Variants in CCDC13 observed in about 807,000 individuals in gnomAD.
CCDC13 encodes coiled-coil domain-containing protein 13.
CCDC13 carries 70 observed loss-of-function variants against 87.3 expected under a neutral mutation model. That is an observed-to-expected ratio of 0.80 (90% CI 0.66 to 0.98). The LOEUF is 0.98. CCDC13 is among the 50% of genes least tolerant of loss of function. The pLI, the probability that CCDC13 is intolerant of heterozygous loss-of-function variation, is 0.00. For missense variants in CCDC13, 842 were observed against 892.0 expected, an observed-to-expected ratio of 0.94 and a Z score of 0.71; for synonymous variants, 317 against 360.3, an observed-to-expected ratio of 0.88 and a Z score of 1.36.
At chr3:42,746,972 C>T (rs1306034986) in intron 6 of CCDC13, 1 of 526,130 alleles carries the variant, frequency 1.9e-6, no homozygotes, top group Non-Finnish European at 3.4e-6. Flanking sequence ...CCTGGGTGGA[C>T]AGTGCTGTCC....
At chr3:42,714,385 T>C (rs1283457719) in intron 13 of CCDC13, among the ~76,000 whole-genome samples, 4 of 152,260 alleles carry the variant, frequency 2.6e-5, no homozygotes, top group Non-Finnish European at 5.9e-5. Context: ...GTTAGAGCCA[T>C]GACGCACAGT....
rs777730260 is a variant in CCDC13 at position 42,708,986 on chromosome 3, C to T, written c.2142G>A (p.Lys714=). The T allele has an allele frequency of 6.2e-7, 1 of 1,611,012 alleles. No homozygotes were observed. The highest frequency in any genetic ancestry group is 8.5e-7 in the Non-Finnish European group (1 of 1,178,522). The change falls in exon 16 of 16, where the codon AAG becomes AAA. Residue 714 remains lysine, a synonymous_variant. Transcript: ENST00000310232. The stretch of plus-strand genomic sequence containing the variant: ...CCGACACTGGGCTGTCATCCTATTG[C>T]TTGCCTGTCTTCTGCTGCCGCAGGG... ...LQALRQQKTG[K]Q
chr3:42,735,164 C>T (rs1043870231), intron 10 of CCDC13, among the ~76,000 whole-genome samples: 1 of 152,150 alleles, frequency 6.6e-6, no homozygotes, highest in Non-Finnish European at 1.5e-5. Context: ...GAGGGGCAGC[C>T]GGCCAGACCG....
At chr3:42,756,790 T>C (rs1699714488) in intron 3 of CCDC13, among the ~76,000 whole-genome samples, 1 of 152,132 alleles carries the variant, frequency 6.6e-6, no homozygotes, top group South Asian at 2.1e-4. Flanking sequence ...CCCAGCTGGA[T>C]CACCAACATT....
chr3:42,741,971 G>C (rs1699235850), intron 8 of CCDC13, among the ~76,000 whole-genome samples: 3 of 152,216 alleles, frequency 2.0e-5, no homozygotes, highest in Non-Finnish European at 4.4e-5. Flanking sequence ...CAGATGAAAA[G>C]GCAAGTCCTC....
At chr3:42,749,908 G>T (rs937112392) in intron 5 of CCDC13, 9 of 456,612 alleles carry the variant, frequency 2.0e-5, no homozygotes, top group Admixed American at 2.3e-5. Flanking sequence ...AATGTGGATT[G>T]AGCCTGCAGG....
intron 13 of CCDC13, 82 bp downstream of exon 13, chr3:42,730,385 G>T: frequency 6.4e-7 from 1 of 1,554,692 alleles, no homozygotes. Flanking sequence ...CAGGTGAGGA[G>T]GACCCAGTCA....
intron 1 of CCDC13, among the ~76,000 whole-genome samples, chr3:42,759,032 C>A (rs1699770617): frequency 6.6e-6 from 1 of 152,178 alleles, no homozygotes; most frequent in African/African-American, 2.4e-5. Context: ...ACAATAAAAT[C>A]CACCAGGTTG....
chr3:42,760,919 G>A (rs946489440), intron 1 of CCDC13, among the ~76,000 whole-genome samples: 5 of 151,904 alleles, frequency 3.3e-5, no homozygotes, highest in Non-Finnish European at 5.9e-5. Flanking sequence ...TTTGTGATGT[G>A]TCTATTCACA....
intron 14 of CCDC13, among the ~76,000 whole-genome samples, chr3:42,712,462 C>T (rs558208243): frequency 1.1e-4 from 16 of 152,314 alleles, no homozygotes; most frequent in African/African-American, 3.8e-4. Context: ...CCACTGTGTT[C>T]GAGCGATAGA....
At chr3:42,714,315 G>C (rs1381732104) in intron 13 of CCDC13, among the ~76,000 whole-genome samples, 1 of 152,108 alleles carries the variant, frequency 6.6e-6, no homozygotes, top group Non-Finnish European at 1.5e-5. Flanking sequence ...GCACTCACAG[G>C]CATAACAGCA....
intron 1 of CCDC13, among the ~76,000 whole-genome samples, chr3:42,770,063 G>C (rs937615361): frequency 6.6e-6 from 1 of 152,280 alleles, no homozygotes; most frequent in African/African-American, 2.4e-5. Flanking sequence ...CACACAGCGG[G>C]ACTGGCCGGC....
At chr3:42,749,949 C>G (rs1208825124) in intron 5 of CCDC13, 1 of 456,506 alleles carries the variant, frequency 2.2e-6, no homozygotes, top group Non-Finnish European at 4.4e-6. Context: ...CTTGGGCCGC[C>G]CTGAGCAGCC....
At chr3:42,766,620 A>AC (rs1575339093) in intron 1 of CCDC13, among the ~76,000 whole-genome samples, 1 of 151,536 alleles carries the variant, frequency 6.6e-6, no homozygotes, top group Admixed American at 6.6e-5. Flanking sequence ...AAAAAAAAAA[A>AC]AAACAACCAA....
intron 1 of CCDC13, among the ~76,000 whole-genome samples, chr3:42,767,898 C>G (rs1699965052): frequency 6.6e-6 from 1 of 151,654 alleles, no homozygotes; most frequent in Admixed American, 6.6e-5. Flanking sequence ...CGCTTGAACC[C>G]AGGAGGCAGA....
At position 42,713,155 on chromosome 3, in the gene CCDC13, C is replaced by A. The variant is rs1698352286; in HGVS notation, c.1873+7G>T. ...CCCTGCACTGAGACTACTGCCCTGG[C>A]CCCTACCTGTTTTGGTCCTGGGAGC... On this transcript the variant is annotated splice_region_variant and intron_variant, in intron 14 of 15. Coordinates refer to ENST00000310232, the MANE Select transcript of CCDC13 (RefSeq NM_144719.4). 2.5e-6 allele frequency: 4 copies of A among 1,613,138 alleles called. No homozygotes were observed. Among genetic ancestry groups the A allele is most frequent in the Non-Finnish European group, 3.4e-6 (4 of 1,179,522 alleles).
intron 1 of CCDC13, among the ~76,000 whole-genome samples, chr3:42,762,256 G>T (rs751610618): frequency 1.3e-5 from 2 of 152,244 alleles, no homozygotes; most frequent in Non-Finnish European, 2.9e-5. Flanking sequence ...GCTCTGCCCA[G>T]TAAGAGGAAC....
chr3:42,724,689 T>C (rs1054407186), intron 13 of CCDC13, among the ~76,000 whole-genome samples: 5 of 152,238 alleles, frequency 3.3e-5, no homozygotes, highest in Admixed American at 2.0e-4. Flanking sequence ...TGCTTCATAA[T>C]TGATTTTCAT....
At chr3:42,750,290 C>A (rs1699541802) in intron 5 of CCDC13, among the ~76,000 whole-genome samples, 1 of 152,168 alleles carries the variant, frequency 6.6e-6, no homozygotes, top group Admixed American at 6.5e-5. Context: ...CTCAGGGACG[C>A]CCTCCTCCGT....
Sources: allele counts gnomAD v4.1 joint callset (sites outside exome capture counted in the v4.1 genomes callset), GRCh38; gene constraint gnomAD v4.1.1; transcripts MANE v1.5; gene names NCBI Gene and HGNC (gene_info 2026-07-23, HGNC 2026-07-21).